Variants in LPP observed in about 807,000 individuals in gnomAD.
LPP encodes LIM domain containing preferred translocation partner in lipoma, also known as lipoma-preferred partner.
LPP carries 38 observed loss-of-function variants against 60.4 expected under a neutral mutation model. The observed-to-expected ratio is 0.63, with a 90% CI of 0.49 to 0.83. LPP has a LOEUF of 0.83. Ranked by LOEUF, LPP falls within the 40% of genes least tolerant of loss-of-function variation. The pLI is 0.00. For synonymous variants in LPP, 328 were observed against 290.8 expected (o/e 1.13, Z -1.30); for missense variants, 902 against 783.6 (o/e 1.15, Z -1.80).
chr3:188,633,053 G>A (rs1313265774), intron 7 of LPP, among the ~76,000 whole-genome samples: 1 of 152,204 alleles, frequency 6.6e-6, no homozygotes, highest in Non-Finnish European at 1.5e-5. Flanking sequence ...GTGTGACCTA[G>A]TGACAGAACC....
intron 9 of LPP, among the ~76,000 whole-genome samples, chr3:188,786,110 T>C (rs899040712): frequency 3.9e-5 from 6 of 152,112 alleles, no homozygotes; most frequent in African/African-American, 1.4e-4. Context: ...CTGGGCCCGG[T>C]GGCTCATGCT....
intron 1 of LPP, among the ~76,000 whole-genome samples, chr3:188,175,304 G>A (rs1027164470): frequency 6.6e-6 from 1 of 152,066 alleles, no homozygotes; most frequent in African/African-American, 2.4e-5. Flanking sequence ...GCCCAGGCTG[G>A]TGTGAAACCC....
At chr3:188,838,375 T>C (rs1391916765) in intron 9 of LPP, among the ~76,000 whole-genome samples, 1 of 152,158 alleles carries the variant, frequency 6.6e-6, no homozygotes, top group Non-Finnish European at 1.5e-5. Context: ...CCTAAACCCA[T>C]GTTGATTCCC....
intron 9 of LPP, among the ~76,000 whole-genome samples, chr3:188,817,305 T>C (rs1752730651): frequency 6.6e-6 from 1 of 152,164 alleles, no homozygotes; most frequent in African/African-American, 2.4e-5. Flanking sequence ...CAGAGCCTTA[T>C]CAAAGTTTGA....
intron 6 of LPP, among the ~76,000 whole-genome samples, chr3:188,603,997 G>T (rs1273848359): frequency 6.6e-6 from 1 of 152,138 alleles, no homozygotes; most frequent in Admixed American, 6.6e-5. Context: ...GTAATAAAAT[G>T]ATTTTGAATT....
chr3:188,625,968 C>T (rs975308841), intron 7 of LPP, among the ~76,000 whole-genome samples: 1 of 152,068 alleles, frequency 6.6e-6, no homozygotes, highest in Non-Finnish European at 1.5e-5. Context: ...ACCGAATGGG[C>T]CTTACCTATT....
intron 8 of LPP, among the ~76,000 whole-genome samples, chr3:188,751,169 T>A (rs1044214598): frequency 5.9e-5 from 9 of 152,136 alleles, no homozygotes; most frequent in Non-Finnish European, 1.3e-4. Flanking sequence ...CCCCTTTGGG[T>A]TCCCTTATTA....
At chr3:188,562,365 A>C (rs1178137874) in intron 6 of LPP, 3 of 152,036 alleles carry the variant, frequency 2.0e-5, no homozygotes, top group Non-Finnish European at 4.4e-5. Context: ...TCCACCAAGC[A>C]CAGTTTCACC....
At chr3:188,184,677 C>A (rs1726046402) in intron 1 of LPP, among the ~76,000 whole-genome samples, 1 of 145,732 alleles carries the variant, frequency 6.9e-6, no homozygotes, top group African/African-American at 2.5e-5. Context: ...GAATAGGGCT[C>A]CGGTAAACTT....
intron 5 of LPP, among the ~76,000 whole-genome samples, chr3:188,509,519 G>C (rs1350179438): frequency 6.6e-6 from 1 of 152,160 alleles, no homozygotes; most frequent in African/African-American, 2.4e-5. Flanking sequence ...TGTAAACTCG[G>C]CTTAAGTGGA....
chr3:188,859,738 CA>C (rs1764730641), intron 9 of LPP, among the ~76,000 whole-genome samples: 1 of 151,988 alleles, frequency 6.6e-6, no homozygotes, highest in Non-Finnish European at 1.5e-5. Flanking sequence ...AAAAGATTAA[CA>C]AAAAAAGTTG....
At chr3:188,518,747 C>T (rs1001629848) in intron 5 of LPP, among the ~76,000 whole-genome samples, 1 of 152,160 alleles carries the variant, frequency 6.6e-6, no homozygotes, top group South Asian at 2.1e-4. Flanking sequence ...TGACGCTGGG[C>T]ATTGGATCTA....
intron 8 of LPP, among the ~76,000 whole-genome samples, chr3:188,746,328 C>T (rs1170905011): frequency 6.6e-6 from 1 of 152,142 alleles, no homozygotes; most frequent in Non-Finnish European, 1.5e-5. Flanking sequence ...GGAAAAGTAA[C>T]CTCAACATGT....
At chr3:188,771,981 TC>T (rs11341372) in intron 9 of LPP, among the ~76,000 whole-genome samples, 43,861 of 152,068 alleles carry the variant, frequency 0.29, 7,012 homozygotes, top group South Asian at 0.55. Context: ...TCTGGACTCC[TC>T]CCCAGAATTT....
intron 6 of LPP, among the ~76,000 whole-genome samples, chr3:188,526,904 T>TA (rs1820744504): frequency 6.6e-6 from 1 of 152,194 alleles, no homozygotes. Context: ...ATATGGCCTA[T>TA]ACTGCAGGAG....
intron 5 of LPP, among the ~76,000 whole-genome samples, chr3:188,522,679 TTAAAAGGGTAGGGGAA>T (rs1199767320): frequency 6.6e-6 from 1 of 150,474 alleles, no homozygotes; most frequent in Non-Finnish European, 1.5e-5. Flanking sequence ...AAAAATGGAT[TTAAAAGGGTAGGGGAA>T]TAACATGACG....
rs1771093543 is a variant in LPP at position 188,890,138 on chromosome 3, C to A, written c.*15659C>A. 4.6e-6 allele frequency: 1 copy of A among 217,236 alleles called. No homozygotes were observed. Among genetic ancestry groups the A allele is most frequent in the South Asian group, 1.9e-4 (1 of 5,396 alleles). 13.5% of individuals were successfully genotyped at this position (217,236 alleles called of 1,614,324 possible). ...TAGATAAGGCGGAGATGGTGAGAAGCCGGGTTTTCTCTATGCTAAATGTGT... is the reference window on the plus strand; with the variant it reads ...TAGATAAGGCGGAGATGGTGAGAAGACGGGTTTTCTCTATGCTAAATGTGT... On this transcript the variant is annotated 3_prime_UTR_variant, in exon 12 of 12. Coordinates refer to ENST00000617246, the MANE Select transcript of LPP (RefSeq NM_001375462.1).
At chr3:188,641,973 A>T (rs1331862658) in intron 7 of LPP, among the ~76,000 whole-genome samples, 1 of 152,200 alleles carries the variant, frequency 6.6e-6, no homozygotes, top group Non-Finnish European at 1.5e-5. Flanking sequence ...TTCATTTCCC[A>T]AAGAAGGCCT....
At chr3:188,783,035 C>A (rs1170791955) in intron 9 of LPP, among the ~76,000 whole-genome samples, 1 of 152,096 alleles carries the variant, frequency 6.6e-6, no homozygotes, top group African/African-American at 2.4e-5. Flanking sequence ...TATCAGTTGC[C>A]AATTGGTCTC....
Sources: allele counts gnomAD v4.1 joint callset (sites outside exome capture counted in the v4.1 genomes callset), GRCh38; gene constraint gnomAD v4.1.1; transcripts MANE v1.5; gene names NCBI Gene and HGNC (gene_info 2026-07-23, HGNC 2026-07-21).